TENM1: variants seen among roughly 807,000 people sequenced by gnomAD.
TENM1 encodes the protein teneurin transmembrane protein 1, also known as teneurin-1.
TENM1 carries 35 observed loss-of-function variants against 174.8 expected under a neutral mutation model. The observed-to-expected ratio is 0.20, with a 90% confidence interval of 0.15 to 0.27. TENM1 has a LOEUF of 0.27. Among genes scored for constraint, TENM1 ranks in the 10% least tolerant of loss-of-function variants. The pLI, the probability that TENM1 is intolerant of heterozygous loss-of-function variation, is 1.00. For synonymous variants in TENM1, 781 were observed against 798.7 expected (o/e 0.98, Z 0.37); for missense variants, 1,633 against 2,130.1 (o/e 0.77, Z 4.59).
the TENM1 span, among the ~76,000 whole-genome samples, chrX:125,123,356 G>A: frequency 2.7e-5 from 3 of 109,872 alleles, no homozygotes; most frequent in South Asian, 1.2e-3. Flanking sequence ...AGGCCAAGGC[G>A]GGAGGATCAC....
rs201103619 is a variant in TENM1, at chrX:124,805,545, G to GA, written c.536-68349dup. Among the ~76,000 whole-genome samples the GA allele has an allele frequency of 7.6e-4, 86 of 113,056 alleles. 1 individual carries two copies. The highest frequency in any genetic ancestry group is 2.7e-3 in the African/African-American group (85 of 31,141). On this transcript the variant is annotated intron_variant, in intron 3 of 31. Transcript: ENST00000422452. ...CCAGACCTGCCCTGGCACCAGATGG[G>GA]AAAGCATAGCCCTTGTGCAGTGAAC...
chrX:124,385,157 C>T (rs1274056231), intron 29 of TENM1, among the ~76,000 whole-genome samples: 1 of 112,485 alleles, frequency 8.9e-6, no homozygotes, highest in African/African-American at 3.2e-5. Context: ...TTGCTATAAT[C>T]ACTGACAAAA....
intron 1 of TENM1, among the ~76,000 whole-genome samples, chrX:124,957,578 CAA>C (rs1225936775): frequency 6.8e-4 from 21 of 31,035 alleles, no homozygotes; most frequent in South Asian, 2.4e-3. Context: ...AACTCCAACT[CAA>C]AAAAAAAAAA....
At chrX:124,617,749 G>GT (rs965338158) in intron 11 of TENM1, among the ~76,000 whole-genome samples, 24 of 110,722 alleles carry the variant, frequency 2.2e-4, no homozygotes, top group Middle Eastern at 4.6e-3. Context: ...TTTCTTTTTT[G>GT]TTTTTTTCCC....
intron 4 of TENM1, among the ~76,000 whole-genome samples, chrX:124,706,881 C>A (rs1471016029): frequency 9.0e-6 from 1 of 110,668 alleles, no homozygotes; most frequent in African/African-American, 3.3e-5. Flanking sequence ...CCCAAACTCA[C>A]CTAGCAAGTG....
intron 8 of TENM1, among the ~76,000 whole-genome samples, chrX:124,650,463 C>T (rs2051277160): frequency 9.0e-6 from 1 of 110,873 alleles, no homozygotes; most frequent in Admixed American, 9.7e-5. Flanking sequence ...AGTTTAGGTT[C>T]TTTGGGGGAG....
the TENM1 span, among the ~76,000 whole-genome samples, chrX:124,984,640 A>C: frequency 2.7e-4 from 30 of 111,497 alleles, no homozygotes; most frequent in African/African-American, 9.4e-4. Flanking sequence ...CTAAATCTTT[A>C]TGGAATGGCT....
At chrX:124,861,306 A>G (rs150390528) in intron 3 of TENM1, among the ~76,000 whole-genome samples, 1,115 of 111,410 alleles carry the variant, frequency 0.01, 18 homozygotes, top group African/African-American at 0.034. Flanking sequence ...GGGTACCTAA[A>G]TGTCAGCTGT....
chrX:124,637,482 A>G (rs2050908628), intron 11 of TENM1, among the ~76,000 whole-genome samples: 1 of 111,309 alleles, frequency 9.0e-6, no homozygotes, highest in African/African-American at 3.3e-5. Flanking sequence ...TTTTTTGACT[A>G]TATTCTACAA....
At position 124,493,108 on chromosome X, in the gene TENM1, T is replaced by C. The variant is rs975286160; in HGVS notation, c.3695+3908A>G. Among the ~76,000 whole-genome samples the C allele has an allele frequency of 3.6e-5, 4 of 111,324 alleles. No homozygotes were observed. In the Admixed American group the frequency reaches 3.8e-4, roughly 11 times the overall value. ...GCTGAGACAATGAGAGAAAATAGTG[T>C]CATGGAATAAGAATGAATAGAGGCA... On this transcript the variant is annotated intron_variant, in intron 20 of 31. Transcript: ENST00000422452.
intron 1 of TENM1, among the ~76,000 whole-genome samples, chrX:124,942,937 G>A (rs992569980): frequency 4.5e-5 from 5 of 111,863 alleles, no homozygotes; most frequent in African/African-American, 1.6e-4. Flanking sequence ...AGGAGGATCA[G>A]ACAGGCCAGT....
intron 18 of TENM1, among the ~76,000 whole-genome samples, chrX:124,520,058 G>A (rs777819407): frequency 1.5e-3 from 165 of 112,121 alleles, no homozygotes; most frequent in Non-Finnish European, 1.9e-3. Context: ...AAGGCAGGAT[G>A]ATTTTTTATT....
intron 22 of TENM1, among the ~76,000 whole-genome samples, chrX:124,475,790 C>T (rs964861887): frequency 1.8e-5 from 2 of 111,067 alleles, no homozygotes; most frequent in African/African-American, 3.3e-5. Context: ...AGTTTTGCTC[C>T]AGCGCATTTA....
At chrX:124,782,761 G>A (rs923726209) in intron 3 of TENM1, among the ~76,000 whole-genome samples, 1 of 110,474 alleles carries the variant, frequency 9.1e-6, no homozygotes, top group African/African-American at 3.3e-5. Context: ...CTTGAAGACC[G>A]ATATTGCATC....
intron 3 of TENM1, among the ~76,000 whole-genome samples, chrX:124,812,246 C>T (rs1228271473): frequency 9.0e-6 from 1 of 110,708 alleles, no homozygotes; most frequent in Admixed American, 9.6e-5. Flanking sequence ...TTCAAAATCT[C>T]ATGTTGTACA....
chrX:124,801,334 C>A (rs769174029), intron 3 of TENM1, among the ~76,000 whole-genome samples: 113 of 111,799 alleles, frequency 1.0e-3, no homozygotes, highest in African/African-American at 3.3e-3. Context: ...GATCCCTTTT[C>A]CATTACGTAA....
In TENM1 at chrX:124,850,764, C is replaced by A. The variant is rs764966489; in HGVS notation, c.535+43532G>T. On this transcript the variant is annotated intron_variant, in intron 3 of 31. Transcript: ENST00000422452. ...CTCAGCGGATAATAATTAGAAAAAA[C>A]ACAATAGAAGAAAAAAAAACAAGAA... Among the ~76,000 whole-genome samples the A allele has an allele frequency of 5.4e-5, 6 of 110,256 alleles. No homozygotes were observed. In the East Asian group the frequency reaches 1.7e-3, roughly 32 times the overall value.
chrX:124,832,088 C>T (rs753425678), intron 3 of TENM1, among the ~76,000 whole-genome samples: 1 of 111,667 alleles, frequency 9.0e-6, no homozygotes, highest in Non-Finnish European at 1.9e-5. Flanking sequence ...CCTCGAGATA[C>T]AAGAAGTGGG....
intron 18 of TENM1, among the ~76,000 whole-genome samples, chrX:124,513,371 G>A (rs2047627084): frequency 9.0e-6 from 1 of 111,187 alleles, no homozygotes; most frequent in Non-Finnish European, 1.9e-5. Flanking sequence ...TGTTTATAAG[G>A]ACCCTTATGA....
Sources: gnomAD v4.1 joint callset for allele counts (sites outside exome capture counted in the v4.1 genomes callset) on GRCh38, gnomAD v4.1.1 for gene constraint, MANE v1.5 for transcripts, NCBI Gene and HGNC (gene_info 2026-07-23, HGNC 2026-07-21) for gene names.